ANK3: variants seen among roughly 807,000 people sequenced by gnomAD.
ANK3 encodes ankyrin-3.
A neutral mutation model predicts 370.9 loss-of-function variants in ANK3; 57 were observed. The observed-to-expected ratio is 0.15, with a 90% CI of 0.12 to 0.19. The LOEUF is 0.19. Ranked by LOEUF, ANK3 falls within the 10% of genes least tolerant of loss-of-function variation. ANK3 has a pLI of 1.00. For missense variants in ANK3, 4,439 were observed against 5,302.1 expected (o/e 0.84, Z 5.06); for synonymous variants, 1,929 against 1,946.3 (o/e 0.99, Z 0.23).
intron 28 of ANK3, among the ~76,000 whole-genome samples, chr10:60,101,477 C>T (rs12254725): frequency 0.12 from 18,867 of 152,094 alleles, 1,675 homozygotes; most frequent in African/African-American, 0.25. Context: ...CAGTTCGCTG[C>T]GTTATAATTT....
intron 1 of ANK3, among the ~76,000 whole-genome samples, chr10:60,634,077 G>A (rs2078520121): frequency 6.6e-6 from 1 of 152,186 alleles, no homozygotes; most frequent in African/African-American, 2.4e-5. Context: ...AACTATTTGA[G>A]TGGAGAATAG....
intron 2 of ANK3, among the ~76,000 whole-genome samples, chr10:60,550,765 C>G (rs560307121): frequency 6.6e-6 from 1 of 152,018 alleles, no homozygotes; most frequent in East Asian, 1.9e-4. Flanking sequence ...GAAGTCATTG[C>G]TATAATGAAG....
At chr10:60,370,855 T>C (rs1594668383) in intron 1 of ANK3, among the ~76,000 whole-genome samples, 1 of 152,174 alleles carries the variant, frequency 6.6e-6, no homozygotes, top group Non-Finnish European at 1.5e-5. Flanking sequence ...CAACCTGAGA[T>C]AACATTTCTT....
intron 2 of ANK3, among the ~76,000 whole-genome samples, chr10:60,474,326 C>T (rs1003444740): frequency 8.5e-5 from 13 of 152,072 alleles, no homozygotes; most frequent in Admixed American, 2.6e-4. Flanking sequence ...CTTCCACGCA[C>T]AGGCAAACTT....
intron 2 of ANK3, among the ~76,000 whole-genome samples, chr10:60,424,959 A>G: frequency 6.6e-6 from 1 of 152,094 alleles, no homozygotes; most frequent in South Asian, 2.1e-4. Context: ...CCTTTAGGTC[A>G]ACTAGAGATG....
intron 2 of ANK3, among the ~76,000 whole-genome samples, chr10:60,569,058 T>C (rs2133262481): frequency 6.6e-6 from 1 of 152,316 alleles, no homozygotes; most frequent in East Asian, 1.9e-4. Context: ...TTGTATTTTT[T>C]TAATGTCAGT....
chr10:60,394,293 C>T (rs910156283), upstream of ANK3, among the ~76,000 whole-genome samples: 5 of 151,794 alleles, frequency 3.3e-5, no homozygotes, highest in Non-Finnish European at 5.9e-5. Flanking sequence ...TTTTAATTCA[C>T]AGTCTCATAT....
chr10:60,059,710 T>C, intron 40 of ANK3: 1 of 1,612,386 alleles, frequency 6.2e-7, no homozygotes, highest in Admixed American at 1.7e-5. Context: ...AGACATACAT[T>C]CTCCAACTGG....
intron 1 of ANK3, among the ~76,000 whole-genome samples, chr10:60,731,826 A>T (rs906522402): frequency 6.6e-6 from 1 of 152,214 alleles, no homozygotes; most frequent in African/African-American, 2.4e-5. Context: ...TAACCCCAGG[A>T]TGACTCTTCT....
At chr10:60,369,256 T>C (rs79466078) in intron 1 of ANK3, among the ~76,000 whole-genome samples, 49 of 152,350 alleles carry the variant, frequency 3.2e-4, no homozygotes, top group African/African-American at 1.1e-3. Flanking sequence ...TTGTGCCACA[T>C]GTCTCAGATT....
At chr10:60,351,326 CT>C (rs1185655012) in intron 1 of ANK3, among the ~76,000 whole-genome samples, 2 of 152,168 alleles carry the variant, frequency 1.3e-5, no homozygotes, top group Admixed American at 6.5e-5. Context: ...CCTGGTTCCC[CT>C]TCCTTCACTA....
chr10:60,322,829 G>C (rs146217111), intron 1 of ANK3, among the ~76,000 whole-genome samples: 2 of 152,218 alleles, frequency 1.3e-5, no homozygotes, highest in Admixed American at 1.3e-4. Flanking sequence ...TTGAATTTGG[G>C]GTATATTTTA....
intron 2 of ANK3, among the ~76,000 whole-genome samples, chr10:60,531,038 A>G: frequency 6.6e-6 from 1 of 152,156 alleles, no homozygotes; most frequent in East Asian, 1.9e-4. Flanking sequence ...ATCAGTGAGA[A>G]TACAAATAAT....
chr10:60,216,955 G>T (rs576813790), intron 8 of ANK3, among the ~76,000 whole-genome samples: 38 of 152,222 alleles, frequency 2.5e-4, no homozygotes, highest in African/African-American at 8.9e-4. Flanking sequence ...CTCGTTATTG[G>T]TCTATTCAGG....
At chr10:60,501,379 T>C (rs929291282) in intron 2 of ANK3, among the ~76,000 whole-genome samples, 23 of 152,196 alleles carry the variant, frequency 1.5e-4, no homozygotes, top group Non-Finnish European at 7.4e-5. Context: ...ACAAAGTGAA[T>C]GTATTTCTTC....
chr10:60,420,425 G>A (rs1372409113), intron 2 of ANK3, among the ~76,000 whole-genome samples: 2 of 152,044 alleles, frequency 1.3e-5, no homozygotes, highest in Non-Finnish European at 2.9e-5. Flanking sequence ...TTATGAATAA[G>A]CATCAGAAGA....
intron 1 of ANK3, among the ~76,000 whole-genome samples, chr10:60,633,457 A>G (rs2078511758): frequency 6.6e-6 from 1 of 152,216 alleles, no homozygotes; most frequent in Admixed American, 6.5e-5. Flanking sequence ...AGTTAAAAAT[A>G]ATGAACATTT....
At chr10:60,329,188 C>A (rs953769315) in intron 1 of ANK3, among the ~76,000 whole-genome samples, 4 of 151,998 alleles carry the variant, frequency 2.6e-5, no homozygotes, top group African/African-American at 9.7e-5. Context: ...TATTGAATGG[C>A]CAAAAACTGG....
At chr10:60,315,387 T>C (rs1227011787) in intron 1 of ANK3, among the ~76,000 whole-genome samples, 1 of 152,166 alleles carries the variant, frequency 6.6e-6, no homozygotes, top group Non-Finnish European at 1.5e-5. Context: ...CCACAGTAGA[T>C]CACTGGTTAA....
Sources: gnomAD v4.1 joint callset for allele counts (sites outside exome capture counted in the v4.1 genomes callset) on GRCh38, gnomAD v4.1.1 for gene constraint, MANE v1.5 for transcripts, NCBI Gene and HGNC (gene_info 2026-07-23, HGNC 2026-07-21) for gene names.